SARS2: variants seen among roughly 807,000 people sequenced by gnomAD.
SARS2 encodes seryl-tRNA synthetase 2, mitochondrial, also known as serine--tRNA ligase, mitochondrial.
SARS2 carries 52 observed loss-of-function variants against 66.8 expected under a neutral mutation model. That is an observed-to-expected ratio of 0.78 (90% CI 0.62 to 0.98). The LOEUF (loss-of-function observed/expected upper bound fraction) is 0.98, where lower values mean the gene tolerates loss of function less well. Among genes scored for constraint, SARS2 ranks in the 50% least tolerant of loss-of-function variants. SARS2 has a pLI of 0.00. For missense variants in SARS2, 673 were observed against 706.3 expected (o/e 0.95, Z 0.53); for synonymous variants, 306 against 281.4 (o/e 1.09, Z -0.87).
In SARS2 at chr19:38,918,106, T is replaced by C. The variant is rs776041054; in HGVS notation, c.950A>G (p.Asp317Gly). 2 of 1,595,902 alleles carry C rather than the reference T, an allele frequency of 1.3e-6. No homozygotes were observed. Among genetic ancestry groups the C allele is most frequent in the Non-Finnish European group, 1.7e-6 (2 of 1,172,364 alleles). ...YFMDHTVAFRDLPVRMVCSST... is the reference protein window; with the variant it reads ...YFMDHTVAFRGLPVRMVCSST... ...AACCAGGTGTCACCTGACTGGCAGG[T>C]CCCTGAAGGCCACGGTGTGGTCCAT... The change falls in exon 10 of 16, where the codon GAC (aspartate) becomes GGC (glycine). Residue 317 changes from aspartate (D) to glycine (G), a missense_variant. Coordinates refer to ENST00000221431, the MANE Select transcript of SARS2 (RefSeq NM_017827.4).
At position 38,930,677 on chromosome 19, in the gene SARS2, G is replaced by A; in HGVS notation, c.60C>T (p.Pro20=). ...TATCGTTGGAGATGCAGCCTCCCCGGGGCCGGAACCCCCGACGAGTCAGCA... is the reference window on the plus strand; with the variant it reads ...TATCGTTGGAGATGCAGCCTCCCCGAGGCCGGAACCCCCGACGAGTCAGCA... ...WPLLTRRGFR[P]RGGCISNDSP... The change falls in exon 1 of 16, where the codon CCC becomes CCT. Residue 20 remains proline (P), a synonymous_variant. Coordinates refer to ENST00000221431, the MANE Select transcript of SARS2 (RefSeq NM_017827.4). 9 of 1,614,034 alleles carry A rather than the reference G, an allele frequency of 5.6e-6. No homozygotes were observed. The highest frequency in any genetic ancestry group is 7.6e-6 in the Non-Finnish European group (9 of 1,180,024).
rs754023830 is a variant in SARS2, at chr19:38,918,184, G to C, written c.917-45C>G. 8 of 1,564,218 alleles carry C rather than the reference G, an allele frequency of 5.1e-6. No homozygotes were observed. In the South Asian group the frequency reaches 9.3e-5, roughly 18 times the overall value. On this transcript the variant is annotated intron_variant, in intron 9 of 15. Coordinates refer to ENST00000221431, the MANE Select transcript of SARS2 (RefSeq NM_017827.4). ...GGTGAGCCAGGGCTGCCAGTGCCCAGAGGAAGCCTTTGGAAGATTAAGAGG... is the reference window on the plus strand; with the variant it reads ...GGTGAGCCAGGGCTGCCAGTGCCCACAGGAAGCCTTTGGAAGATTAAGAGG...
chr19:38,917,674 C>A, intron 12 of SARS2, 50 bp downstream of exon 12: 1 of 1,030,216 alleles, frequency 9.7e-7, no homozygotes, highest in Non-Finnish European at 1.5e-6. Flanking sequence ...CCCCTTGTCC[C>A]TCCCCTACCC....
intron 10 of SARS2, 26 bp downstream of exon 10, chr19:38,918,068 C>G: frequency 6.2e-7 from 1 of 1,605,050 alleles, no homozygotes; most frequent in Non-Finnish European, 8.5e-7. Flanking sequence ...CAGGTGGGGT[C>G]AAGGTCTAAG....
At chr19:38,926,799 AG>A (rs1243139798) in intron 1 of SARS2, among the ~76,000 whole-genome samples, 1 of 151,214 alleles carries the variant, frequency 6.6e-6, no homozygotes, top group African/African-American at 2.4e-5. Flanking sequence ...AAACAAAAAA[AG>A]TCTCTAAACT....
chr19:38,920,387 TAA>T (rs1211576650), intron 5 of SARS2, among the ~76,000 whole-genome samples: 1 of 133,344 alleles, frequency 7.5e-6, no homozygotes, highest in African/African-American at 2.9e-5. Context: ...GAGAGGGAAA[TAA>T]GAGGGCGCGG....
chr19:38,918,058 C>A, intron 10 of SARS2, 36 bp downstream of exon 10: 1 of 1,603,946 alleles, frequency 6.2e-7, no homozygotes, highest in Non-Finnish European at 8.5e-7. Context: ...CTGATTGTCA[C>A]AGGTGGGGTC....
chr19:38,924,249 C>T lies in SARS2; in HGVS notation c.363+1956G>A, dbSNP rs1002734167. ...AGGGCCTGCAACCAAGGCCCCTTGA[C>T]ATTCTGAACCTTCCATGATCCTAAG... On this transcript the variant is annotated intron_variant, in intron 2 of 15. Coordinates refer to ENST00000221431, the MANE Select transcript of SARS2 (RefSeq NM_017827.4). Among the ~76,000 whole-genome samples, 4 of 152,290 alleles carry T rather than the reference C, an allele frequency of 2.6e-5. 1 individual carries two copies. In the South Asian group the frequency reaches 8.3e-4, roughly 32 times the overall value.
At chr19:38,928,600 T>G (rs967398874) in intron 1 of SARS2, among the ~76,000 whole-genome samples, 1 of 152,190 alleles carries the variant, frequency 6.6e-6, no homozygotes, top group Non-Finnish European at 1.5e-5. Flanking sequence ...CCACAAAGTT[T>G]GAAAAAGCCT....
chr19:38,916,022 C>T lies in SARS2; in HGVS notation c.1347+15G>A. On this transcript the variant is annotated intron_variant, in intron 14 of 15. Transcript: ENST00000221431. The stretch of plus-strand genomic sequence containing the variant: ...CGGGCGAGGGCACGCGGGCAGGAGG[C>T]TGTGCGGGCCTCACCGTGTGGGCAA... 3 of 1,613,104 alleles carry T rather than the reference C, an allele frequency of 1.9e-6. No homozygotes were observed. The highest frequency in any genetic ancestry group is 1.7e-6 in the Non-Finnish European group (2 of 1,179,736).
rs760342347 is a variant in SARS2 at position 38,922,277 on chromosome 19, A to G, written c.364-10T>C. Reference sequence around the variant, plus strand: ...CACTGTCCTGGTTTGCCTGGTAGAAAAGAGACAGGGTGGGTGATTAGGTTG... The same window carrying G: ...CACTGTCCTGGTTTGCCTGGTAGAAGAGAGACAGGGTGGGTGATTAGGTTG... On this transcript the variant is annotated splice_polypyrimidine_tract_variant and intron_variant, in intron 2 of 15. Coordinates refer to ENST00000221431, the MANE Select transcript of SARS2 (RefSeq NM_017827.4). The G allele has an allele frequency of 6.2e-7, 1 of 1,614,030 alleles. No individual in the cohort carries two copies. Among genetic ancestry groups the G allele is most frequent in the Admixed American group, 1.7e-5 (1 of 59,996 alleles).
At chr19:38,920,980 A>AACACAG (rs1399270925) in intron 5 of SARS2, among the ~76,000 whole-genome samples, 3 of 138,230 alleles carry the variant, frequency 2.2e-5, no homozygotes, top group Non-Finnish European at 4.7e-5. Flanking sequence ...GACACACACA[A>AACACAG]ACACAGACAC....
At chr19:38,922,300 T>C (rs1344118190) in intron 2 of SARS2, 33 bp from the exon 3 acceptor site, 7 of 1,612,196 alleles carry the variant, frequency 4.3e-6, no homozygotes, top group African/African-American at 1.3e-5. Flanking sequence ...GGTGATTAGG[T>C]TGACAAAGTC....
At position 38,926,280 on chromosome 19, in the gene SARS2, C is replaced by T. The variant is rs1350172205; in HGVS notation, c.288G>A (p.Leu96=). ...TCCGGATCTGCTCCTGCAGCTGCCT[C>T]AGCTCCTGCCATGTCGAGATCTGGG... The part of the protein sequence containing the change: ...LPAIISTWQE[L]RQLQEQIRSL... Residue 96 remains leucine, a synonymous_variant, in exon 2 of 16, where the codon CTG becomes CTA. Transcript: ENST00000221431. The T allele has an allele frequency of 1.2e-6, 2 of 1,604,926 alleles. No homozygotes were observed. The highest frequency in any genetic ancestry group is 1.7e-6 in the Non-Finnish European group (2 of 1,179,952).
intron 14 of SARS2, 59 bp from the exon 15 acceptor site, chr19:38,915,965 C>G: frequency 6.2e-7 from 1 of 1,612,706 alleles, no homozygotes; most frequent in Non-Finnish European, 8.5e-7. Context: ...GGGGAGGAGC[C>G]AAGGTGGGTG....
intron 2 of SARS2, among the ~76,000 whole-genome samples, chr19:38,925,455 C>T (rs78508942): frequency 0.012 from 1,812 of 152,282 alleles, 38 homozygotes; most frequent in African/African-American, 0.038. Flanking sequence ...TGCCGGCTGC[C>T]GGAACTCCAT....
intron 9 of SARS2, 114 bp from the exon 10 acceptor site, chr19:38,918,253 G>A: frequency 8.1e-7 from 1 of 1,232,638 alleles, no homozygotes; most frequent in East Asian, 2.5e-5. Context: ...GCCCGGGGCT[G>A]GATTATCACT....
chr19:38,922,200 C>T, intron 3 of SARS2, 38 bp downstream of exon 3: 2 of 1,611,150 alleles, frequency 1.2e-6, no homozygotes, highest in South Asian at 1.1e-5. Flanking sequence ...TCCCTGCCCA[C>T]CCCCAACCCT....
intron 3 of SARS2, 144 bp from the exon 4 acceptor site, chr19:38,921,811 C>T: frequency 1.5e-6 from 2 of 1,350,108 alleles, no homozygotes; most frequent in Non-Finnish European, 2.0e-6. Context: ...CTTCGCAGAA[C>T]TTCCCTTACC....
Sources: gnomAD v4.1 joint callset for allele counts (sites outside exome capture counted in the v4.1 genomes callset) on GRCh38, gnomAD v4.1.1 for gene constraint, MANE v1.5 for transcripts, NCBI Gene and HGNC (gene_info 2026-07-23, HGNC 2026-07-21) for gene names.